The following DGKB variants were observed in gnomAD, a reference collection of about 807,000 sequenced individuals.
The protein encoded by DGKB is diacylglycerol kinase beta, also known as 90 kDa diacylglycerol kinase.
A neutral mutation model predicts 114.3 loss-of-function variants in DGKB; 67 were observed. The observed-to-expected ratio is 0.59, with a 90% CI of 0.48 to 0.72. The LOEUF (loss-of-function observed/expected upper bound fraction) is 0.72. DGKB is among the 30% of genes least tolerant of loss of function. The pLI is 0.00. For missense variants in DGKB, 907 were observed against 975.2 expected, an observed-to-expected ratio of 0.93 and a Z score of 0.93; for synonymous variants, 398 against 323.1, an observed-to-expected ratio of 1.23 and a Z score of -2.49.
intron 23 of DGKB, among the ~76,000 whole-genome samples, chr7:14,238,078 C>A (rs1374396606): frequency 6.6e-6 from 1 of 151,972 alleles, no homozygotes; most frequent in African/African-American, 2.4e-5. Flanking sequence ...AGGAAAATTT[C>A]TCTGAAACTC....
At chr7:14,359,054 C>T (rs984877152) in intron 21 of DGKB, among the ~76,000 whole-genome samples, 1 of 152,020 alleles carries the variant, frequency 6.6e-6, no homozygotes, top group African/African-American at 2.4e-5. Flanking sequence ...TCAAACTATA[C>T]TACAAGGCCA....
intron 21 of DGKB, among the ~76,000 whole-genome samples, chr7:14,408,840 G>T (rs1360913753): frequency 1.3e-5 from 2 of 151,722 alleles, no homozygotes; most frequent in Non-Finnish European, 2.9e-5. Context: ...GGGACAATTT[G>T]AAAAAACTCA....
At chr7:14,517,715 A>G (rs1789068334) in intron 20 of DGKB, among the ~76,000 whole-genome samples, 1 of 152,112 alleles carries the variant, frequency 6.6e-6, no homozygotes, top group African/African-American at 2.4e-5. Context: ...AAAAGGCCCA[A>G]AATCAATAAT....
At chr7:14,873,500 A>T (rs1164598268) in intron 1 of DGKB, among the ~76,000 whole-genome samples, 1 of 152,098 alleles carries the variant, frequency 6.6e-6, no homozygotes, top group African/African-American at 2.4e-5. Flanking sequence ...CAAGTATAAC[A>T]AACTATAGAA....
chr7:14,490,669 T>C (rs1784473658), intron 20 of DGKB, among the ~76,000 whole-genome samples: 1 of 152,178 alleles, frequency 6.6e-6, no homozygotes, highest in Non-Finnish European at 1.5e-5. Context: ...CTTCCAGTTG[T>C]CCTGGGAAAA....
intron 1 of DGKB, among the ~76,000 whole-genome samples, chr7:14,961,328 T>C (rs967466603): frequency 3.3e-5 from 5 of 152,168 alleles, no homozygotes; most frequent in Admixed American, 2.0e-4. Flanking sequence ...AGACACACCC[T>C]GCTGATAACG....
chr7:14,579,616 T>A (rs183195696), intron 19 of DGKB, among the ~76,000 whole-genome samples: 37 of 152,278 alleles, frequency 2.4e-4, no homozygotes, highest in Non-Finnish European at 4.9e-4. Context: ...TGAACTCTAA[T>A]GCAACTCATG....
chr7:14,243,718 C>T (rs1399506808), intron 23 of DGKB, among the ~76,000 whole-genome samples: 1 of 152,168 alleles, frequency 6.6e-6, no homozygotes, highest in African/African-American at 2.4e-5. Context: ...CCTCTATTCT[C>T]TCAGTAAGAC....
At chr7:14,442,929 G>T (rs1237887893) in intron 21 of DGKB, among the ~76,000 whole-genome samples, 1 of 151,918 alleles carries the variant, frequency 6.6e-6, no homozygotes, top group Non-Finnish European at 1.5e-5. Context: ...TTTTCTTTCT[G>T]TAGTTGCTAA....
chr7:14,564,601 A>G (rs529148258), intron 20 of DGKB, among the ~76,000 whole-genome samples: 45 of 152,308 alleles, frequency 3.0e-4, no homozygotes, highest in African/African-American at 9.9e-4. Flanking sequence ...TTAATATTAA[A>G]TGGAATTTAA....
rs150324470 is a variant in DGKB, at chr7:14,800,175, C to T, written c.70+41019G>A. 5.6e-3 allele frequency among the ~76,000 whole-genome samples: 849 copies of T among 152,232 alleles called. 8 individuals are homozygous for T. The highest frequency in any genetic ancestry group is 0.019 in the African/African-American group (800 of 41,534). ...TCATGATCCGCCCACCTCGGCCTCCCGAAGTGCTGGAATTACAGGCGTGAG... is the reference window on the plus strand; with the variant it reads ...TCATGATCCGCCCACCTCGGCCTCCTGAAGTGCTGGAATTACAGGCGTGAG... On this transcript the variant is annotated intron_variant, in intron 2 of 25. Transcript: ENST00000402815.
At chr7:14,250,261 G>T (rs1392240444) in intron 23 of DGKB, among the ~76,000 whole-genome samples, 1 of 151,734 alleles carries the variant, frequency 6.6e-6, no homozygotes, top group Non-Finnish European at 1.5e-5. Context: ...GAGCCACCAT[G>T]CCTGGTTTCT....
intron 21 of DGKB, among the ~76,000 whole-genome samples, chr7:14,459,039 A>C (rs1341313366): frequency 6.6e-6 from 1 of 152,148 alleles, no homozygotes; most frequent in African/African-American, 2.4e-5. Flanking sequence ...GCCATTACTG[A>C]AGCTTGAGTA....
chr7:14,640,237 G>A (rs942671948), intron 13 of DGKB, among the ~76,000 whole-genome samples: 38 of 152,270 alleles, frequency 2.5e-4, no homozygotes, highest in African/African-American at 9.1e-4. Flanking sequence ...TTTTATTAAA[G>A]ATCTGTGACA....
chr7:14,230,399 T>A (rs1052072899), intron 23 of DGKB, among the ~76,000 whole-genome samples: 2 of 151,886 alleles, frequency 1.3e-5, no homozygotes, highest in Non-Finnish European at 2.9e-5. Context: ...GAAGGAAAAA[T>A]TTCTCTTACC....
intron 21 of DGKB, among the ~76,000 whole-genome samples, chr7:14,349,857 T>A (rs926283198): frequency 6.6e-6 from 1 of 152,170 alleles, no homozygotes; most frequent in Admixed American, 6.6e-5. Context: ...AGTGAAAACA[T>A]AGCTTTGGAC....
chr7:14,458,003 T>C (rs190750825), intron 21 of DGKB, among the ~76,000 whole-genome samples: 2 of 152,206 alleles, frequency 1.3e-5, no homozygotes, highest in Non-Finnish European at 2.9e-5. Context: ...CAAGGCTGAG[T>C]GCATGTGGGC....
intron 6 of DGKB, 113 bp downstream of exon 6, chr7:14,718,429 C>T: frequency 1.1e-6 from 1 of 930,774 alleles, no homozygotes; most frequent in Non-Finnish European, 1.5e-6. Context: ...AGCAGGATCA[C>T]TTTATTCAAC....
intron 6 of DGKB, among the ~76,000 whole-genome samples, chr7:14,705,614 C>A (rs1335476756): frequency 6.6e-6 from 1 of 150,442 alleles, no homozygotes; most frequent in Non-Finnish European, 1.5e-5. Context: ...AACAGCGGAT[C>A]TCTCGGCAGA....
Sources: gnomAD v4.1 joint callset for allele counts (sites outside exome capture counted in the v4.1 genomes callset) on GRCh38, gnomAD v4.1.1 for gene constraint, MANE v1.5 for transcripts, NCBI Gene and HGNC (gene_info 2026-07-23, HGNC 2026-07-21) for gene names.